CACNA2D3: variants seen among roughly 807,000 people sequenced by gnomAD.
The protein encoded by CACNA2D3 is calcium voltage-gated channel auxiliary subunit alpha2delta 3, also known as voltage-dependent calcium channel subunit alpha-2/delta-3.
CACNA2D3 carries 60 observed loss-of-function variants against 160.6 expected under a neutral mutation model. The ratio of observed to expected loss-of-function variants is 0.37; its 90% CI spans 0.30 to 0.46. The LOEUF is 0.46. Among genes scored for constraint, CACNA2D3 ranks in the 20% least tolerant of loss-of-function variants. The pLI is 1.00. For synonymous variants in CACNA2D3, 558 were observed against 492.9 expected, an observed-to-expected ratio of 1.13 and a Z score of -1.75; for missense variants, 1,205 against 1,365.0, an observed-to-expected ratio of 0.88 and a Z score of 1.85.
intron 20 of CACNA2D3, 146 bp downstream of exon 20, chr3:54,879,557 C>T: frequency 4.8e-6 from 3 of 629,094 alleles, no homozygotes; most frequent in Non-Finnish European, 8.1e-6. Context: ...GGGCTTTTCC[C>T]AGGCTGCTTT....
At chr3:54,768,581 G>T (rs1390526386) in intron 13 of CACNA2D3, among the ~76,000 whole-genome samples, 1 of 152,156 alleles carries the variant, frequency 6.6e-6, no homozygotes, top group Non-Finnish European at 1.5e-5. Flanking sequence ...GCAGATCTGG[G>T]CATGTAGTTA....
chr3:54,680,420 T>C (rs924182559), intron 11 of CACNA2D3, among the ~76,000 whole-genome samples: 28 of 152,244 alleles, frequency 1.8e-4, no homozygotes, highest in Admixed American at 1.6e-3. Context: ...ATTGAATTTT[T>C]ATGTAGCTTT....
intron 2 of CACNA2D3, among the ~76,000 whole-genome samples, chr3:54,145,716 AC>A (rs1191492372): frequency 3.3e-5 from 5 of 152,228 alleles, no homozygotes; most frequent in African/African-American, 1.2e-4. Context: ...CATGAAGTCG[AC>A]AAGTGAGATA....
intron 3 of CACNA2D3, among the ~76,000 whole-genome samples, chr3:54,358,394 G>A (rs1374314008): frequency 6.6e-6 from 1 of 152,220 alleles, no homozygotes; most frequent in Non-Finnish European, 1.5e-5. Flanking sequence ...CCTCCCCTCT[G>A]ACTGCAAGGA....
In CACNA2D3 at chr3:54,744,927, C is replaced by G. The variant is rs536621465; in HGVS notation, c.1168-7672C>G. Among the ~76,000 whole-genome samples, 35 of 152,314 alleles carry G rather than the reference C, an allele frequency of 2.3e-4. No homozygotes were observed. In the South Asian group the frequency reaches 7.3e-3, roughly 32 times the overall value. ...TGCACAGCTCAGTAGGTTTAAATAC[C>G]TCTCTCAAGATCACCAAGCCAGTAA... On this transcript the variant is annotated intron_variant, in intron 11 of 37. Coordinates refer to ENST00000474759, the MANE Select transcript of CACNA2D3 (RefSeq NM_018398.3).
chr3:54,277,518 T>C (rs1310115414), intron 2 of CACNA2D3, among the ~76,000 whole-genome samples: 1 of 152,214 alleles, frequency 6.6e-6, no homozygotes, highest in Non-Finnish European at 1.5e-5. Flanking sequence ...CCATGCTGTT[T>C]TGGTTACTGT....
At chr3:54,459,926 A>T (rs1232530782) in intron 4 of CACNA2D3, among the ~76,000 whole-genome samples, 1 of 152,170 alleles carries the variant, frequency 6.6e-6, no homozygotes, top group African/African-American at 2.4e-5. Context: ...TAAGTCTTTA[A>T]TCCATCTTGA....
At chr3:54,701,470 T>A (rs1700766696) in intron 11 of CACNA2D3, among the ~76,000 whole-genome samples, 1 of 152,142 alleles carries the variant, frequency 6.6e-6, no homozygotes, top group Non-Finnish European at 1.5e-5. Flanking sequence ...TAAATATGTG[T>A]TATAAATGTT....
At chr3:54,868,977 T>A (rs1476250332) in intron 17 of CACNA2D3, among the ~76,000 whole-genome samples, 2 of 152,234 alleles carry the variant, frequency 1.3e-5, no homozygotes, top group Non-Finnish European at 1.5e-5. Context: ...ATGGAGGTGC[T>A]ATTGTTTTTA....
chr3:54,775,439 G>A (rs996551334), intron 13 of CACNA2D3, among the ~76,000 whole-genome samples: 12 of 152,130 alleles, frequency 7.9e-5, no homozygotes, highest in Admixed American at 5.2e-4. Context: ...CCAGTTGCTT[G>A]GCCACATCCC....
At position 54,985,481 on chromosome 3, in the gene CACNA2D3, C is replaced by T. The variant is rs531857488; in HGVS notation, c.2619+811C>T. On this transcript the variant is annotated intron_variant, in intron 30 of 37. Transcript: ENST00000474759. ...TGCATATAATAAAGTAACGCCATCA[C>T]AGGAGGAAGGTGGTTTCTGATGTTA... is the stretch of plus-strand genomic sequence containing the variant. Among the ~76,000 whole-genome samples the T allele has an allele frequency of 2.0e-5, 3 of 152,294 alleles. No homozygotes were observed. In the East Asian group the frequency reaches 5.8e-4, roughly 29 times the overall value.
chr3:54,775,041 T>C (rs1034371314), intron 13 of CACNA2D3, among the ~76,000 whole-genome samples: 1 of 152,196 alleles, frequency 6.6e-6, no homozygotes, highest in African/African-American at 2.4e-5. Flanking sequence ...TTAACTTTCA[T>C]TACATTTATA....
intron 6 of CACNA2D3, among the ~76,000 whole-genome samples, chr3:54,565,473 C>T (rs1360466679): frequency 1.3e-5 from 2 of 152,060 alleles, no homozygotes; most frequent in Admixed American, 6.6e-5. Context: ...TTCACCAGTT[C>T]AATTTATGTC....
chr3:54,858,899 C>G (rs905085831), intron 17 of CACNA2D3, among the ~76,000 whole-genome samples: 2 of 152,160 alleles, frequency 1.3e-5, no homozygotes, highest in African/African-American at 4.8e-5. Context: ...TTTAGAAAGA[C>G]CTTCCATCTG....
intron 13 of CACNA2D3, among the ~76,000 whole-genome samples, chr3:54,811,005 C>T (rs748814721): frequency 6.6e-6 from 1 of 152,190 alleles, no homozygotes; most frequent in Admixed American, 6.5e-5. Flanking sequence ...ATCACATGGG[C>T]TCTCCCTGGT....
intron 11 of CACNA2D3, among the ~76,000 whole-genome samples, chr3:54,658,976 C>T (rs540629256): frequency 6.6e-6 from 1 of 152,268 alleles, no homozygotes; most frequent in Non-Finnish European, 1.5e-5. Context: ...TGTTCCCTCT[C>T]TCTGGGGCAC....
chr3:54,518,746 A>C (rs1180721067), intron 5 of CACNA2D3, among the ~76,000 whole-genome samples: 2 of 104,678 alleles, frequency 1.9e-5, no homozygotes, highest in African/African-American at 7.4e-5. Context: ...ATATCTTTTG[A>C]CATTTTTCAA....
At chr3:54,275,829 G>A (rs578162667) in intron 2 of CACNA2D3, among the ~76,000 whole-genome samples, 1 of 152,172 alleles carries the variant, frequency 6.6e-6, no homozygotes, top group Non-Finnish European at 1.5e-5. Context: ...TATTGGCCAG[G>A]CTGGTCTTGA....
chr3:54,262,279 T>C (rs1286728168), intron 2 of CACNA2D3, among the ~76,000 whole-genome samples: 1 of 152,124 alleles, frequency 6.6e-6, no homozygotes, highest in Non-Finnish European at 1.5e-5. Context: ...CTATTTATTG[T>C]GTCTCCAAGG....
Sources: allele counts gnomAD v4.1 joint callset (sites outside exome capture counted in the v4.1 genomes callset), GRCh38; gene constraint gnomAD v4.1.1; transcripts MANE v1.5; gene names NCBI Gene and HGNC (gene_info 2026-07-23, HGNC 2026-07-21).